The following FRMD5 variants were observed in gnomAD, a reference collection of about 807,000 sequenced individuals.
FRMD5 encodes FERM domain containing 5.
In FRMD5, 20 loss-of-function variants were observed where a neutral mutation model predicts 69.0. That is an observed-to-expected ratio of 0.29 (90% CI 0.20 to 0.42). FRMD5 has a LOEUF of 0.42. Among genes scored for constraint, FRMD5 ranks in the 10% least tolerant of loss-of-function variants. The pLI is 1.00. For synonymous variants in FRMD5, 271 were observed against 260.1 expected (o/e 1.04, Z -0.40); for missense variants, 595 against 708.6 (o/e 0.84, Z 1.82).
intron 1 of FRMD5, among the ~76,000 whole-genome samples, chr15:44,191,311 G>A (rs1261627235): frequency 6.6e-6 from 1 of 152,002 alleles, no homozygotes; most frequent in East Asian, 1.9e-4. Context: ...ATTCCTGGCC[G>A]GGTGCAGTGG....
At chr15:43,919,286 G>A (rs1279244890) in intron 4 of FRMD5, 173 bp downstream of exon 4, 1 of 767,912 alleles carries the variant, frequency 1.3e-6, no homozygotes, top group Non-Finnish European at 2.4e-6. Context: ...CTGCACTGAG[G>A]GGTACGCGAA....
chr15:43,924,657 C>G (rs2089551971), intron 1 of FRMD5, among the ~76,000 whole-genome samples: 1 of 152,160 alleles, frequency 6.6e-6, no homozygotes, highest in African/African-American at 2.4e-5. Flanking sequence ...CCAGGCCCAG[C>G]TGACTGAGCC....
chr15:44,136,131 G>A (rs1038905096), intron 1 of FRMD5, among the ~76,000 whole-genome samples: 1 of 151,784 alleles, frequency 6.6e-6, no homozygotes, highest in Non-Finnish European at 1.5e-5. Flanking sequence ...TCCCACCACC[G>A]TCTCCCGAGT....
intron 1 of FRMD5, among the ~76,000 whole-genome samples, chr15:43,936,800 C>A (rs1026433803): frequency 6.6e-6 from 1 of 151,436 alleles, no homozygotes; most frequent in Non-Finnish European, 1.5e-5. Context: ...ACAAGGGGGT[C>A]CCAGCCTCAA....
chr15:44,164,707 A>G (rs977047180), intron 1 of FRMD5, among the ~76,000 whole-genome samples: 1 of 152,232 alleles, frequency 6.6e-6, no homozygotes, highest in Non-Finnish European at 1.5e-5. Context: ...GCTAGGATAG[A>G]GTACATGACT....
At chr15:44,021,806 A>C (rs566908031) in intron 1 of FRMD5, among the ~76,000 whole-genome samples, 1 of 152,366 alleles carries the variant, frequency 6.6e-6, no homozygotes, top group South Asian at 2.1e-4. Context: ...TATATTCAAA[A>C]GAATTGAAAA....
chr15:43,946,527 C>A (rs542540807), intron 1 of FRMD5, among the ~76,000 whole-genome samples: 2 of 152,184 alleles, frequency 1.3e-5, no homozygotes, highest in Non-Finnish European at 2.9e-5. Flanking sequence ...TCCACTACAA[C>A]ACACAGCCTC....
chr15:43,885,694 G>T lies in FRMD5; in HGVS notation c.946C>A (p.Arg316=), dbSNP rs535767161. The T allele has an allele frequency of 6.2e-7, 1 of 1,613,856 alleles. No individual in the cohort carries two copies. The highest frequency in any genetic ancestry group is 8.5e-7 in the Non-Finnish European group (1 of 1,179,770). The stretch of plus-strand genomic sequence containing the variant: ...GTCACTATTTACCTGTATCGGAACC[G>T]GCTCCCTTTAAAGAATAAATTGCTG... The part of the protein sequence containing the change: ...SSSNLFFKGS[R]FRYSGRVAKE... The change falls in exon 11 of 14, where the codon CGG becomes AGG. Residue 316 remains arginine, a synonymous_variant. Coordinates refer to ENST00000417257, the MANE Select transcript of FRMD5 (RefSeq NM_032892.5).
Position 43,873,743 on chromosome 15 carries a change from C to T in FRMD5, c.*142G>A, listed in dbSNP as rs555858313. On this transcript the variant is annotated 3_prime_UTR_variant, in exon 14 of 14. Transcript: ENST00000417257. ...TCCCTTTCTTCTTCTGGGAAACACCCTCCTAGGCTGCAGTGGACTTTGAGT... is the reference window on the plus strand; with the variant it reads ...TCCCTTTCTTCTTCTGGGAAACACCTTCCTAGGCTGCAGTGGACTTTGAGT... 1.3e-6 allele frequency: 2 copies of T among 1,525,644 alleles called. No homozygotes were observed. The highest frequency in any genetic ancestry group is 1.2e-5 in the South Asian group (1 of 81,366). The allele number at this position is 1,525,644 out of a possible 1,614,324, so 94.5% of individuals were successfully genotyped here.
upstream of FRMD5, among the ~76,000 whole-genome samples, chr15:44,198,432 G>A (rs1350768891): frequency 3.3e-5 from 5 of 151,814 alleles, no homozygotes. Flanking sequence ...AATATCCAGA[G>A]AGAACTTCAA....
intron 4 of FRMD5, chr15:43,919,086 G>A: frequency 2.8e-6 from 1 of 356,906 alleles, no homozygotes; most frequent in Non-Finnish European, 5.6e-6. Flanking sequence ...ATATCCATTA[G>A]ACCACTTGAA....
intron 1 of FRMD5, among the ~76,000 whole-genome samples, chr15:44,020,246 C>T (rs1891155673): frequency 6.6e-6 from 1 of 152,070 alleles, no homozygotes; most frequent in South Asian, 2.1e-4. Flanking sequence ...GACCACTTTA[C>T]ATCTGCTTAA....
At chr15:44,050,139 T>A (rs1004800223) in intron 1 of FRMD5, among the ~76,000 whole-genome samples, 1 of 152,220 alleles carries the variant, frequency 6.6e-6, no homozygotes, top group African/African-American at 2.4e-5. Flanking sequence ...AAATTATATC[T>A]ATGAATTATT....
intron 1 of FRMD5, among the ~76,000 whole-genome samples, chr15:44,150,873 A>G (rs898259826): frequency 6.6e-6 from 1 of 151,708 alleles, no homozygotes. Context: ...AGGTGGATCA[A>G]TTGAGATCAG....
chr15:43,891,502 G>C (rs2088792076), intron 8 of FRMD5, among the ~76,000 whole-genome samples: 1 of 152,176 alleles, frequency 6.6e-6, no homozygotes, highest in African/African-American at 2.4e-5. Flanking sequence ...TCTGAGGAGG[G>C]TGTTTTGCCA....
At chr15:44,016,891 G>A (rs998707281) in intron 1 of FRMD5, among the ~76,000 whole-genome samples, 1 of 150,938 alleles carries the variant, frequency 6.6e-6, no homozygotes. Flanking sequence ...TTGGAATGCA[G>A]TGATAAGCCT....
intron 1 of FRMD5, among the ~76,000 whole-genome samples, chr15:44,034,903 A>G (rs1373907205): frequency 1.3e-5 from 2 of 152,036 alleles, no homozygotes; most frequent in Non-Finnish European, 2.9e-5. Flanking sequence ...GATCTCTCCA[A>G]CCTGTCCACT....
Position 43,978,787 on chromosome 15 carries a change from G to T in FRMD5, c.103-54478C>A, listed in dbSNP as rs1595581758. Among the ~76,000 whole-genome samples the T allele has an allele frequency of 2.0e-5, 3 of 151,942 alleles. No individual in the cohort carries two copies. The South Asian group carries it at 6.2e-4, about 32-fold the overall frequency. ...GGCTGGTCTCGAACTCCTGACCTCA[G>T]GTGATCCACCCACCTCGGCTTCCCA... On this transcript the variant is annotated intron_variant, in intron 1 of 13. Transcript: ENST00000417257.
rs543351940 is a variant in FRMD5 at position 44,095,519 on chromosome 15, C to T, written c.102+99434G>A. Among the ~76,000 whole-genome samples, 3 of 152,214 alleles carry T rather than the reference C, an allele frequency of 2.0e-5. No homozygotes were observed. In the South Asian group the frequency reaches 6.2e-4, roughly 32 times the overall value. On this transcript the variant is annotated intron_variant, in intron 1 of 13. Coordinates refer to ENST00000417257, the MANE Select transcript of FRMD5 (RefSeq NM_032892.5). ...CACGCCTGGCTTGAATTCACAGTTT[C>T]TGTTTAGCATGACTTTAAAAATGAA...
Sources: allele counts gnomAD v4.1 joint callset (sites outside exome capture counted in the v4.1 genomes callset), GRCh38; gene constraint gnomAD v4.1.1; transcripts MANE v1.5; gene names NCBI Gene and HGNC (gene_info 2026-07-23, HGNC 2026-07-21).